PSMD9: variants seen among roughly 807,000 people sequenced by gnomAD.
PSMD9 encodes the protein 26S proteasome non-ATPase regulatory subunit 9.
Under a neutral mutation model 25.9 loss-of-function variants are expected in PSMD9, and 26 were observed. That is an observed-to-expected ratio of 1.00 (90% confidence interval 0.73 to 1.39). PSMD9 has a LOEUF of 1.39. Ranked by LOEUF, PSMD9 falls within the 40% of genes most tolerant of loss-of-function variation. The pLI is 0.00. For synonymous variants in PSMD9, 110 were observed against 114.5 expected (o/e 0.96, Z 0.25); for missense variants, 303 against 299.3 (o/e 1.01, Z -0.09).
intron 4 of PSMD9, among the ~76,000 whole-genome samples, chr12:121,908,924 G>A (rs919381012): frequency 1.3e-5 from 2 of 152,150 alleles, no homozygotes; most frequent in Non-Finnish European, 2.9e-5. Flanking sequence ...GGTGAGGCCA[G>A]GAGGTGTTAA....
rs144279863 is a variant in PSMD9 at position 121,889,640 on chromosome 12, G to A, written c.138+646G>A. On this transcript the variant is annotated intron_variant, in intron 1 of 5. Transcript: ENST00000541212. ...ATTCTGCATTTGTAGCAAACTCCCA[G>A]CAATGCTGATGCTAGTGGTCTAAGG... Among the ~76,000 whole-genome samples the A allele has an allele frequency of 2.3e-4, 35 of 152,328 alleles. No homozygotes were observed. In the East Asian group the frequency reaches 6.6e-3, roughly 29 times the overall value.
At position 121,912,884 on chromosome 12, in the gene PSMD9, A is replaced by AAG. The variant is rs1555214556; in HGVS notation, c.556-2971_556-2970insGA. ...ACCCTGTCTCAAAAAAAAAAAAAAA[A>AAG]AAAGAAAGAAAAAGAAAGGTCTATT... On this transcript the variant is annotated intron_variant, in intron 4 of 5. Coordinates refer to ENST00000541212, the MANE Select transcript of PSMD9 (RefSeq NM_002813.7). Among the ~76,000 whole-genome samples, 493 of 148,334 alleles carry AAG rather than the reference A, an allele frequency of 3.3e-3. 3 individuals are homozygous for AAG. The highest frequency in any genetic ancestry group is 0.012 in the African/African-American group (469 of 39,504).
chr12:121,911,681 G>A (rs1879726747), intron 4 of PSMD9, among the ~76,000 whole-genome samples: 1 of 140,722 alleles, frequency 7.1e-6, no homozygotes, highest in African/African-American at 2.6e-5. Context: ...TTTTGAGATG[G>A]AGTCTTGCTC....
Position 121,916,612 on chromosome 12 carries a change from T to G in PSMD9, c.*301T>G. 2.6e-6 allele frequency: 1 copy of G among 383,680 alleles called. No individual in the cohort carries two copies. The highest frequency in any genetic ancestry group is 4.7e-6 in the Non-Finnish European group (1 of 211,588). 23.8% of individuals were successfully genotyped at this position (383,680 alleles called of 1,614,324 possible). A position where few individuals can be genotyped will look rare whatever the true frequency, so the allele number is the denominator to read the frequency against. The stretch of plus-strand genomic sequence containing the variant: ...GGTACTGGTGTGATTATTATTATTA[T>G]TTTTAATAAAGAGTTTTACAGTGCT... On this transcript the variant is annotated 3_prime_UTR_variant, in exon 6 of 6. Coordinates refer to ENST00000541212, the MANE Select transcript of PSMD9 (RefSeq NM_002813.7).
chr12:121,915,554 C>G, intron 4 of PSMD9: 1 of 340,196 alleles, frequency 2.9e-6, no homozygotes. Flanking sequence ...GGATTACAGG[C>G]ATTTGTATGT....
At chr12:121,904,184 C>T (rs1794266499) in intron 4 of PSMD9, among the ~76,000 whole-genome samples, 1 of 151,576 alleles carries the variant, frequency 6.6e-6, no homozygotes, top group East Asian at 1.9e-4. Context: ...CTTGTATGGA[C>T]GTTTAAAATG....
At chr12:121,895,443 G>T (rs1879203696) in intron 2 of PSMD9, among the ~76,000 whole-genome samples, 1 of 152,106 alleles carries the variant, frequency 6.6e-6, no homozygotes, top group Non-Finnish European at 1.5e-5. Context: ...TAGTATATTT[G>T]TTTCTGTTTC....
intron 4 of PSMD9, chr12:121,915,582 A>G: frequency 5.1e-6 from 2 of 391,094 alleles, no homozygotes; most frequent in East Asian, 8.7e-5. Context: ...TTTGTATGTC[A>G]TCTTGCAATT....
chr12:121,904,392 G>A (rs1199100842), intron 4 of PSMD9, among the ~76,000 whole-genome samples: 1 of 149,182 alleles, frequency 6.7e-6, no homozygotes, highest in Admixed American at 6.6e-5. Context: ...GGCTAACACG[G>A]TGAAACCCCG....
At chr12:121,914,354 AG>A in intron 4 of PSMD9, 1 of 151,732 alleles carries the variant, frequency 6.6e-6, no homozygotes, top group Middle Eastern at 3.4e-3. Flanking sequence ...GTTCAAGACC[AG>A]CCTGGCCAAC....
intron 4 of PSMD9, among the ~76,000 whole-genome samples, chr12:121,913,273 G>A (rs1238100130): frequency 6.6e-6 from 1 of 151,810 alleles, no homozygotes; most frequent in African/African-American, 2.4e-5. Flanking sequence ...TAGAGACGGG[G>A]TTTCACCGTG....
In PSMD9 at chr12:121,903,038, C is replaced by T. The variant is rs756179152; in HGVS notation, c.486C>T (p.Phe162=). The change falls in exon 4 of 6, where the codon TTC becomes TTT. Residue 162 remains phenylalanine (F), a synonymous_variant. Coordinates refer to ENST00000541212, the MANE Select transcript of PSMD9 (RefSeq NM_002813.7). ...GLQVDDEIVE[F]GSVNTQNFQS... Reference sequence around the variant, plus strand: ...AAGTGGATGATGAGATTGTGGAGTTCGGCTCTGTGAACACCCAGAACTTCC... The same window carrying T: ...AAGTGGATGATGAGATTGTGGAGTTTGGCTCTGTGAACACCCAGAACTTCC... 58 of 1,614,064 alleles carry T rather than the reference C, an allele frequency of 3.6e-5. No homozygotes were observed. Among genetic ancestry groups the T allele is most frequent in the Admixed American group, 2.0e-4 (12 of 60,004 alleles).
At position 121,900,413 on chromosome 12, in the gene PSMD9, G is replaced by A. The variant is rs141107249; in HGVS notation, c.453+568G>A. On this transcript the variant is annotated intron_variant, in intron 3 of 5. Coordinates refer to ENST00000541212, the MANE Select transcript of PSMD9 (RefSeq NM_002813.7). ...TCTTAAAAAAAATTTTTTTTTGACC[G>A]GGAGCATTGGCTCACGCCTGTAATC... Among the ~76,000 whole-genome samples, 705 of 151,452 alleles carry A rather than the reference G, an allele frequency of 4.7e-3. 2 individuals carry two copies. Among genetic ancestry groups the A allele is most frequent in the Admixed American group, 0.01 (156 of 15,226 alleles).
intron 4 of PSMD9, among the ~76,000 whole-genome samples, chr12:121,909,459 G>A (rs1224928797): frequency 1.3e-5 from 2 of 151,622 alleles, no homozygotes; most frequent in Non-Finnish European, 1.5e-5. Flanking sequence ...GACTACAGGT[G>A]TGCACCACCA....
intron 3 of PSMD9, 148 bp downstream of exon 3, chr12:121,899,993 C>T (rs923985907): frequency 1.6e-5 from 15 of 940,766 alleles, no homozygotes; most frequent in Non-Finnish European, 2.1e-5. Flanking sequence ...TGAGGCCTGT[C>T]GTGTATCCAG....
At chr12:121,891,070 C>T (rs1222128355) in intron 1 of PSMD9, among the ~76,000 whole-genome samples, 6 of 139,480 alleles carry the variant, frequency 4.3e-5, no homozygotes, top group African/African-American at 1.6e-4. Context: ...TCGTGATCCG[C>T]CCGCCTCGGC....
At chr12:121,912,939 CTTT>C (rs199915628) in intron 4 of PSMD9, among the ~76,000 whole-genome samples, 4 of 129,296 alleles carry the variant, frequency 3.1e-5, no homozygotes, top group Non-Finnish European at 3.3e-5. Flanking sequence ...CTTTTCTTTT[CTTT>C]TTTTTTTTTT....
intron 3 of PSMD9, 106 bp from the exon 4 acceptor site, chr12:121,902,900 A>C: frequency 3.3e-6 from 3 of 900,462 alleles, no homozygotes; most frequent in South Asian, 2.9e-5. Flanking sequence ...TACCCTGTAG[A>C]AAACAAGCTC....
chr12:121,897,065 A>G (rs533208505), intron 2 of PSMD9, among the ~76,000 whole-genome samples: 2 of 152,138 alleles, frequency 1.3e-5, no homozygotes, highest in Non-Finnish European at 2.9e-5. Flanking sequence ...GGGTGTAACC[A>G]AGATTTCACT....
Sources: gnomAD v4.1 joint callset for allele counts (sites outside exome capture counted in the v4.1 genomes callset) on GRCh38, gnomAD v4.1.1 for gene constraint, MANE v1.5 for transcripts, NCBI Gene and HGNC (gene_info 2026-07-23, HGNC 2026-07-21) for gene names.